Variants in PDE1C observed in about 807,000 individuals in gnomAD.
The protein encoded by PDE1C is phosphodiesterase 1C, also known as dual specificity calcium/calmodulin-dependent 3',5'-cyclic nucleotide phosphodiesterase 1C.
PDE1C carries 62 observed loss-of-function variants against 93.1 expected under a neutral mutation model. The ratio of observed to expected loss-of-function variants is 0.67; its 90% CI spans 0.54 to 0.82. The LOEUF (loss-of-function observed/expected upper bound fraction) is 0.82, where lower values mean the gene tolerates loss of function less well. Among genes scored for constraint, PDE1C ranks in the 40% least tolerant of loss-of-function variants. PDE1C has a pLI of 0.00. For synonymous variants in PDE1C, 325 were observed against 310.1 expected (o/e 1.05, Z -0.50); for missense variants, 742 against 884.6 (o/e 0.84, Z 2.04).
intron 3 of PDE1C, among the ~76,000 whole-genome samples, chr7:32,160,273 A>G (rs535435170): frequency 1.3e-5 from 2 of 152,342 alleles, no homozygotes; most frequent in Middle Eastern, 3.4e-3. Context: ...TGGTAAGTTC[A>G]TATTTGACTT....
At chr7:31,951,166 A>G (rs1223293240) in intron 2 of PDE1C, among the ~76,000 whole-genome samples, 1 of 152,182 alleles carries the variant, frequency 6.6e-6, no homozygotes, top group Admixed American at 6.5e-5. Context: ...ACCTCATTTA[A>G]CCTTAATTAC....
intron 15 of PDE1C, among the ~76,000 whole-genome samples, chr7:31,810,781 T>C (rs929959147): frequency 9.2e-5 from 14 of 152,132 alleles, no homozygotes; most frequent in African/African-American, 3.1e-4. Context: ...GCAACTTCTC[T>C]ATGAAGTTCA....
At chr7:32,341,314 T>C (rs945624545) in intron 1 of PDE1C, among the ~76,000 whole-genome samples, 4 of 148,494 alleles carry the variant, frequency 2.7e-5, no homozygotes, top group Non-Finnish European at 5.9e-5. Flanking sequence ...TAGCTGGGAC[T>C]ACAGGCGCCC....
chr7:32,180,619 T>C (rs1055895649), intron 2 of PDE1C, among the ~76,000 whole-genome samples: 4 of 152,236 alleles, frequency 2.6e-5, no homozygotes, highest in African/African-American at 4.8e-5. Flanking sequence ...CACCTTGATC[T>C]TGGATATTCA....
At chr7:32,190,504 A>G (rs1026064701) in intron 2 of PDE1C, among the ~76,000 whole-genome samples, 1 of 152,230 alleles carries the variant, frequency 6.6e-6, no homozygotes, top group African/African-American at 2.4e-5. Context: ...CTGATAAATC[A>G]TGTGGTCTTG....
downstream of PDE1C, among the ~76,000 whole-genome samples, chr7:31,750,755 G>C (rs377339194): frequency 6.6e-6 from 1 of 152,038 alleles, no homozygotes. Flanking sequence ...TTTTTGAGAC[G>C]GAGTCTCGCT....
intron 3 of PDE1C, among the ~76,000 whole-genome samples, chr7:32,119,356 A>G (rs2128762581): frequency 6.6e-6 from 1 of 152,296 alleles, no homozygotes; most frequent in South Asian, 2.1e-4. Flanking sequence ...TCCTGTTGGT[A>G]GCTGCCAAAG....
At chr7:32,269,225 ATGT>A (rs1810801127) in intron 1 of PDE1C, among the ~76,000 whole-genome samples, 1 of 151,926 alleles carries the variant, frequency 6.6e-6, no homozygotes, top group African/African-American at 2.4e-5. Flanking sequence ...CCACCTGAGG[ATGT>A]TGTGAAAACA....
At chr7:32,309,589 A>G (rs1353745558) in intron 1 of PDE1C, among the ~76,000 whole-genome samples, 1 of 152,240 alleles carries the variant, frequency 6.6e-6, no homozygotes, top group Admixed American at 6.5e-5. Context: ...AGTGGGGGCC[A>G]ATATTCAACA....
the PDE1C span, among the ~76,000 whole-genome samples, chr7:31,737,800 C>CA: frequency 0.27 from 25,055 of 92,908 alleles, 3,781 homozygotes; most frequent in East Asian, 0.45. Flanking sequence ...CACTCCATCT[C>CA]AAAAAAAAAA....
At chr7:32,041,707 CA>C (rs1327614370) in intron 2 of PDE1C, among the ~76,000 whole-genome samples, 1 of 152,076 alleles carries the variant, frequency 6.6e-6, no homozygotes, top group East Asian at 1.9e-4. Flanking sequence ...CGAAAATAGA[CA>C]ATTTTGAAAA....
At chr7:31,769,989 T>C (rs1795380257) in intron 17 of PDE1C, among the ~76,000 whole-genome samples, 1 of 152,212 alleles carries the variant, frequency 6.6e-6, no homozygotes, top group South Asian at 2.1e-4. Context: ...CCAAACTGTG[T>C]TCTAAAGTGG....
Position 31,752,285 on chromosome 7 carries a change from T to A in PDE1C, c.*1099A>T, listed in dbSNP as rs77647242. The A allele has an allele frequency of 6.6e-6, 1 of 152,072 alleles. No individual in the cohort carries two copies. Among genetic ancestry groups the A allele is most frequent in the African/African-American group, 2.4e-5 (1 of 41,396 alleles). 9.4% of individuals were successfully genotyped at this position (152,072 alleles called of 1,614,324 possible). On this transcript the variant is annotated 3_prime_UTR_variant, in exon 18 of 18. Transcript: ENST00000396191. Reference sequence around the variant, plus strand: ...CTACTTCTGTGATTTTAGTCCTGAATTAAAAATCCTAGGGAGAGACACAGA... The same window carrying A: ...CTACTTCTGTGATTTTAGTCCTGAAATAAAAATCCTAGGGAGAGACACAGA...
chr7:31,960,481 G>A (rs1020026741), intron 2 of PDE1C, among the ~76,000 whole-genome samples: 4 of 152,162 alleles, frequency 2.6e-5, no homozygotes, highest in Admixed American at 6.6e-5. Flanking sequence ...GAGAAGGGAG[G>A]ATACTGTGTA....
intron 2 of PDE1C, among the ~76,000 whole-genome samples, chr7:32,033,341 A>G (rs1790588673): frequency 6.6e-6 from 1 of 152,130 alleles, no homozygotes; most frequent in African/African-American, 2.4e-5. Context: ...AGTAGTTTTA[A>G]TGAACTTACA....
At chr7:32,304,281 T>C (rs1812945239), upstream of PDE1C, among the ~76,000 whole-genome samples, 2 of 152,204 alleles carry the variant, frequency 1.3e-5, no homozygotes, top group South Asian at 4.1e-4. Flanking sequence ...TGCCTGCCCA[T>C]CTCCTCATGA....
At chr7:32,186,900 T>C (rs1385141866) in intron 2 of PDE1C, among the ~76,000 whole-genome samples, 2 of 152,200 alleles carry the variant, frequency 1.3e-5, no homozygotes. Context: ...ATCTTCATTG[T>C]GGACGGCATC....
chr7:31,847,993 T>C lies in PDE1C; in HGVS notation c.955A>G (p.Ile319Val). The C allele has an allele frequency of 1.9e-6, 3 of 1,612,986 alleles. No individual in the cohort carries two copies. The highest frequency in any genetic ancestry group is 2.5e-6 in the Non-Finnish European group (3 of 1,179,468). ...LQDDEEMNIL[I>V]NLSKDDWREF... ...CTCCAGTCATCCTTTGAGAGGTTAATCAAAATATTCATTTCCTCGTCATCT... is the reference window on the plus strand; with the variant it reads ...CTCCAGTCATCCTTTGAGAGGTTAACCAAAATATTCATTTCCTCGTCATCT... The change falls in exon 9 of 18, where the codon ATT becomes GTT. Residue 319 changes from isoleucine (I) to valine (V), a missense_variant. Physicochemically the swap from Ile to Val is conservative, Grantham distance 29. Transcript: ENST00000396191.
chr7:32,362,453 A>G (rs1784154188), intron 1 of PDE1C, among the ~76,000 whole-genome samples: 1 of 152,044 alleles, frequency 6.6e-6, no homozygotes, highest in African/African-American at 2.4e-5. Flanking sequence ...AATTTCAGTC[A>G]CCAGGAGCAA....
Sources: gnomAD v4.1 joint callset for allele counts (sites outside exome capture counted in the v4.1 genomes callset) on GRCh38, gnomAD v4.1.1 for gene constraint, MANE v1.5 for transcripts, NCBI Gene and HGNC (gene_info 2026-07-23, HGNC 2026-07-21) for gene names.